The following SLC25A16 variants were observed in gnomAD, a reference collection of about 807,000 sequenced individuals.
SLC25A16 encodes mitochondrial coenzyme A transporter SLC25A16.
In SLC25A16, 39 loss-of-function variants were observed where a neutral mutation model predicts 41.5. The observed-to-expected ratio is 0.94, with a 90% CI of 0.73 to 1.23. The LOEUF (loss-of-function observed/expected upper bound fraction) is 1.23. SLC25A16 is among the 50% of genes most tolerant of loss of function. SLC25A16 has a pLI of 0.00. For missense variants in SLC25A16, 421 were observed against 426.9 expected (o/e 0.99, Z 0.12); for synonymous variants, 146 against 147.8 (o/e 0.99, Z 0.09).
At chr10:68,504,109 T>C (rs2052908133) in intron 3 of SLC25A16, among the ~76,000 whole-genome samples, 1 of 137,632 alleles carries the variant, frequency 7.3e-6, no homozygotes, top group African/African-American at 2.7e-5. Flanking sequence ...CACTGCAACC[T>C]AGATTCAAGC....
intron 4 of SLC25A16, among the ~76,000 whole-genome samples, chr10:68,498,186 C>T (rs1007509654): frequency 1.3e-5 from 2 of 152,176 alleles, no homozygotes; most frequent in African/African-American, 4.8e-5. Flanking sequence ...CAGAACTTAC[C>T]TACATTCCAA....
chr10:68,486,858 G>A (rs977592559), intron 8 of SLC25A16, among the ~76,000 whole-genome samples: 7 of 148,164 alleles, frequency 4.7e-5, no homozygotes, highest in East Asian at 4.0e-4. Flanking sequence ...TTGGAAGACC[G>A]AGGCAAAAGA....
chr10:68,506,947 AACT>A (rs2052965785), intron 2 of SLC25A16, among the ~76,000 whole-genome samples: 1 of 145,044 alleles, frequency 6.9e-6, no homozygotes, highest in Non-Finnish European at 1.5e-5. Context: ...CTGTAGAAAC[AACT>A]ACAAATTACA....
At chr10:68,486,544 T>C (rs2052566711) in intron 8 of SLC25A16, among the ~76,000 whole-genome samples, 1 of 151,940 alleles carries the variant, frequency 6.6e-6, no homozygotes. Flanking sequence ...TGGCTAATTT[T>C]TGTATTTTTA....
chr10:68,503,808 A>G, intron 3 of SLC25A16, 113 bp from the exon 4 acceptor site: 2 of 719,840 alleles, frequency 2.8e-6, no homozygotes, highest in East Asian at 2.5e-5. Flanking sequence ...AAGGAAATTA[A>G]TAATAAATGT....
chr10:68,515,556 T>G (rs1345861726), intron 2 of SLC25A16, among the ~76,000 whole-genome samples: 1 of 152,084 alleles, frequency 6.6e-6, no homozygotes, highest in Non-Finnish European at 1.5e-5. Flanking sequence ...CCCAGCACTT[T>G]GGGAGGCCGA....
chr10:68,485,901 G>A (rs564118620), intron 8 of SLC25A16, among the ~76,000 whole-genome samples: 6 of 147,380 alleles, frequency 4.1e-5, no homozygotes, highest in Non-Finnish European at 7.5e-5. Flanking sequence ...GGGTTCACAC[G>A]ATTCTCCTGC....
At chr10:68,492,969 T>A (rs2052684941) in intron 6 of SLC25A16, among the ~76,000 whole-genome samples, 163 bp downstream of exon 6, 1 of 151,682 alleles carries the variant, frequency 6.6e-6, no homozygotes, top group African/African-American at 2.4e-5. Context: ...ACACGAATAG[T>A]CATCTTTATA....
intron 6 of SLC25A16, among the ~76,000 whole-genome samples, chr10:68,490,581 T>C (rs2052639863): frequency 6.6e-6 from 1 of 151,720 alleles, no homozygotes; most frequent in African/African-American, 2.4e-5. Context: ...GACCTCATGA[T>C]CCACTCCCCC....
At position 68,480,982 on chromosome 10, in the gene SLC25A16, C is replaced by A. The variant is rs1332622948; in HGVS notation, c.*2450G>T. 1 of 150,810 alleles carries A rather than the reference C, an allele frequency of 6.6e-6. No individual in the cohort carries two copies. The highest frequency in any genetic ancestry group is 1.5e-5 in the Non-Finnish European group (1 of 67,836). The allele number at this position is 150,810 out of a possible 1,614,324, so 9.3% of individuals were successfully genotyped here. On this transcript the variant is annotated 3_prime_UTR_variant, in exon 9 of 9. Transcript: ENST00000609923. Reference sequence around the variant, plus strand: ...TTTTTTTTTCTTTTATACAGTCTCACTCTGTATAAAAGAAATTTTTATACA... The same window carrying A: ...TTTTTTTTTCTTTTATACAGTCTCAATCTGTATAAAAGAAATTTTTATACA...
intron 4 of SLC25A16, among the ~76,000 whole-genome samples, chr10:68,494,719 A>G (rs1160952689): frequency 7.2e-6 from 1 of 138,792 alleles, no homozygotes; most frequent in Non-Finnish European, 1.7e-5. Flanking sequence ...TCTACTAAAA[A>G]TAAAAAAATT....
At chr10:68,508,403 T>TAAAAAAAA (rs59336332) in intron 2 of SLC25A16, among the ~76,000 whole-genome samples, 2 of 126,146 alleles carry the variant, frequency 1.6e-5, no homozygotes, top group Non-Finnish European at 3.3e-5. Context: ...CAGGAAGCTT[T>TAAAAAAAA]AAAAAAAAAA....
chr10:68,521,368 TCTA>T (rs2053246752), intron 1 of SLC25A16, among the ~76,000 whole-genome samples: 1 of 152,036 alleles, frequency 6.6e-6, no homozygotes, highest in Admixed American at 6.6e-5. Context: ...AAACCCCATC[TCTA>T]CTAACAGTAC....
At chr10:68,497,422 T>C (rs537388887) in intron 4 of SLC25A16, among the ~76,000 whole-genome samples, 3 of 152,290 alleles carry the variant, frequency 2.0e-5, no homozygotes, top group Admixed American at 6.5e-5. Flanking sequence ...ATATCAGTTA[T>C]GAACAACCAA....
intron 1 of SLC25A16, among the ~76,000 whole-genome samples, chr10:68,520,496 T>G (rs2053232554): frequency 6.6e-6 from 1 of 151,836 alleles, no homozygotes; most frequent in Non-Finnish European, 1.5e-5. Context: ...GCCAACTTGG[T>G]GAAACCCCGT....
At chr10:68,526,746 A>G (rs2053344323) in intron 1 of SLC25A16, among the ~76,000 whole-genome samples, 2 of 152,208 alleles carry the variant, frequency 1.3e-5, no homozygotes, top group Admixed American at 6.6e-5. Flanking sequence ...GGGCTTGTCA[A>G]GTACTGTGTC....
In SLC25A16 at chr10:68,488,547, G is replaced by A. The variant is rs1174521045; in HGVS notation, c.693C>T (p.Asp231=). ...APTLLGRPSS[D]NPNVLVLKTH... is the part of the protein sequence containing the mutation. ...TTTTCAAAACTAAGACATTAGGATT[G>A]TCTGATGAAGGTCTGCCAAGAAGGG... Residue 231 remains aspartate, a synonymous_variant, in exon 7 of 9, where the codon GAC becomes GAT. Transcript: ENST00000609923. 1.2e-6 allele frequency: 2 copies of A among 1,602,018 alleles called. No homozygotes were observed. Among genetic ancestry groups the A allele is most frequent in the Admixed American group, 1.8e-5 (1 of 55,812 alleles).
rs2052477180 is a variant in SLC25A16 at position 68,480,899 on chromosome 10, G to GT, written c.*2532dup. 6.7e-6 allele frequency: 1 copy of GT among 148,764 alleles called. No homozygotes were observed. The highest frequency in any genetic ancestry group is 1.5e-5 in the Non-Finnish European group (1 of 67,670). The allele number at this position is 148,764 out of a possible 1,614,324, so 9.2% of individuals were successfully genotyped here. A position where few individuals can be genotyped will look rare whatever the true frequency, so the allele number is the denominator to read the frequency against. ...TATACAAATGGTTTTAAGAACACAT[G>GT]TATTTCTTTTTTTTTTCTTTTATAC... On this transcript the variant is annotated 3_prime_UTR_variant, in exon 9 of 9. Transcript: ENST00000609923.
chr10:68,522,642 C>T (rs2053267696), intron 1 of SLC25A16, among the ~76,000 whole-genome samples: 1 of 152,038 alleles, frequency 6.6e-6, no homozygotes, highest in East Asian at 1.9e-4. Context: ...GGTGAAACCC[C>T]GTCTCTACTA....
Sources: allele counts gnomAD v4.1 joint callset (sites outside exome capture counted in the v4.1 genomes callset), GRCh38; gene constraint gnomAD v4.1.1; transcripts MANE v1.5; gene names NCBI Gene and HGNC (gene_info 2026-07-23, HGNC 2026-07-21).